Variants in KCNN2 observed in about 807,000 individuals in gnomAD.
The protein encoded by KCNN2 is small conductance calcium-activated potassium channel protein 2.
KCNN2 carries 24 observed loss-of-function variants against 55.5 expected under a neutral mutation model. The observed-to-expected ratio is 0.43, with a 90% CI of 0.31 to 0.61. The LOEUF is 0.61. Among genes scored for constraint, KCNN2 ranks in the 20% least tolerant of loss-of-function variants. KCNN2 has a pLI of 0.08. For synonymous variants in KCNN2, 431 were observed against 336.1 expected, an observed-to-expected ratio of 1.28 and a Z score of -3.09; for missense variants, 754 against 853.6, an observed-to-expected ratio of 0.88 and a Z score of 1.45.
At chr5:114,096,547 A>G (rs1034050367) in intron 1 of KCNN2, among the ~76,000 whole-genome samples, 6 of 152,098 alleles carry the variant, frequency 3.9e-5, no homozygotes, top group African/African-American at 1.4e-4. Flanking sequence ...TGTCTCTGTC[A>G]GGCGCTATGG....
intron 1 of KCNN2, among the ~76,000 whole-genome samples, chr5:114,164,139 T>A (rs1319595483): frequency 6.6e-6 from 1 of 152,198 alleles, no homozygotes; most frequent in Non-Finnish European, 1.5e-5. Flanking sequence ...AAAGTATTAC[T>A]CTCTGGTGAA....
At position 114,234,533 on chromosome 5, in the gene KCNN2, C is replaced by T. The variant is rs527941516; in HGVS notation, c.-185+12968C>T. On this transcript the variant is annotated intron_variant, in intron 2 of 10. Transcript: ENST00000512097. The stretch of plus-strand genomic sequence containing the variant: ...TGCAGTATATCAAGCAAAACATATT[C>T]CAAATGAATTGGGGTATTTCTTTGT... Among the ~76,000 whole-genome samples the T allele has an allele frequency of 2.0e-5, 3 of 152,300 alleles. No homozygotes were observed. The South Asian group carries it at 6.2e-4, about 32-fold the overall frequency.
chr5:114,425,486 C>T (rs143058153), intron 3 of KCNN2, among the ~76,000 whole-genome samples: 183 of 152,208 alleles, frequency 1.2e-3, no homozygotes, highest in African/African-American at 4.3e-3. Flanking sequence ...ATTGACAATC[C>T]CTCCTTTGCA....
intron 1 of KCNN2, among the ~76,000 whole-genome samples, chr5:114,063,722 A>G (rs902243750): frequency 1.1e-4 from 16 of 152,320 alleles, no homozygotes; most frequent in African/African-American, 3.4e-4. Context: ...AGTTTGACCC[A>G]GACCATCCTG....
intron 2 of KCNN2, among the ~76,000 whole-genome samples, chr5:114,377,733 A>G (rs552792721): frequency 2.6e-5 from 4 of 152,296 alleles, no homozygotes; most frequent in Admixed American, 6.5e-5. Flanking sequence ...TGTGACCGTA[A>G]GAAGACAGTA....
intron 3 of KCNN2, among the ~76,000 whole-genome samples, chr5:114,427,552 T>G (rs1364612816): frequency 6.6e-6 from 1 of 152,220 alleles, no homozygotes; most frequent in Non-Finnish European, 1.5e-5. Flanking sequence ...TCCCAGTGTT[T>G]ATAGAATTTG....
chr5:114,425,336 A>G lies in KCNN2; in HGVS notation c.1637+20480A>G, dbSNP rs1312849316. ...TGAAGGGTCCCACATTGCTAATTCC[A>G]TAGGACCTACACCAACAGTCAGAAA... On this transcript the variant is annotated intron_variant, in intron 3 of 7. Transcript: ENST00000673685. Among the ~76,000 whole-genome samples the G allele has an allele frequency of 2.6e-5, 4 of 152,088 alleles. No homozygotes were observed. The South Asian group carries it at 8.3e-4, about 32-fold the overall frequency.
intron 3 of KCNN2, among the ~76,000 whole-genome samples, chr5:114,462,509 G>A (rs573700700): frequency 6.6e-6 from 1 of 152,256 alleles, no homozygotes; most frequent in African/African-American, 2.4e-5. Context: ...GGATGTGCCC[G>A]ATACTCAGGG....
chr5:114,160,963 G>T (rs1340128129), intron 1 of KCNN2, among the ~76,000 whole-genome samples: 1 of 152,072 alleles, frequency 6.6e-6, no homozygotes, highest in Non-Finnish European at 1.5e-5. Flanking sequence ...TATCCAATTT[G>T]CCAGTCTGTG....
chr5:114,440,403 C>T (rs943038958), intron 3 of KCNN2, among the ~76,000 whole-genome samples: 2 of 152,116 alleles, frequency 1.3e-5, no homozygotes, highest in Non-Finnish European at 2.9e-5. Flanking sequence ...CAGGTCCTCA[C>T]TAAAATAACT....
At chr5:114,130,304 A>T (rs1213498155) in intron 1 of KCNN2, among the ~76,000 whole-genome samples, 1 of 152,204 alleles carries the variant, frequency 6.6e-6, no homozygotes, top group Non-Finnish European at 1.5e-5. Context: ...GTAGGATGGT[A>T]TATTTTCCTT....
chr5:114,380,920 A>T (rs1470625051), intron 2 of KCNN2, among the ~76,000 whole-genome samples: 1 of 152,144 alleles, frequency 6.6e-6, no homozygotes, highest in Non-Finnish European at 1.5e-5. Flanking sequence ...ATTCTGCTGG[A>T]CATTCTCAGG....
intron 3 of KCNN2, among the ~76,000 whole-genome samples, chr5:114,430,695 T>C (rs1759765513): frequency 6.6e-6 from 1 of 152,100 alleles, no homozygotes; most frequent in Non-Finnish European, 1.5e-5. Flanking sequence ...ACCTAGTTTC[T>C]TAAGTGTGAT....
At chr5:114,480,913 A>G (rs1389653782) in intron 5 of KCNN2, among the ~76,000 whole-genome samples, 1 of 152,106 alleles carries the variant, frequency 6.6e-6, no homozygotes, top group Admixed American at 6.6e-5. Context: ...CAGTATCATA[A>G]TGGGCAAAAG....
chr5:114,076,901 G>A (rs887633332), intron 1 of KCNN2, among the ~76,000 whole-genome samples: 9 of 152,086 alleles, frequency 5.9e-5, no homozygotes, highest in Non-Finnish European at 1.2e-4. Flanking sequence ...CACCGTGTTA[G>A]CCAGGATGGT....
intron 2 of KCNN2, among the ~76,000 whole-genome samples, chr5:114,379,427 T>C (rs1468944582): frequency 1.1e-4 from 15 of 139,040 alleles, no homozygotes; most frequent in Non-Finnish European, 2.2e-4. Context: ...TGATAAATAT[T>C]ATATAACATA....
At chr5:114,486,790 A>G (rs754698141) in intron 5 of KCNN2, 41 of 1,348,520 alleles carry the variant, frequency 3.0e-5, no homozygotes, top group Middle Eastern at 2.0e-4. Context: ...ATAAAAAAGA[A>G]GTTTCCTGAA....
chr5:114,189,092 A>G (rs1753396448), intron 1 of KCNN2, among the ~76,000 whole-genome samples: 1 of 151,972 alleles, frequency 6.6e-6, no homozygotes, highest in Non-Finnish European at 1.5e-5. Context: ...AACATATACT[A>G]ATAACGGCTG....
chr5:114,236,267 A>T (rs895885219), intron 2 of KCNN2, among the ~76,000 whole-genome samples: 1 of 152,176 alleles, frequency 6.6e-6, no homozygotes, highest in African/African-American at 2.4e-5. Context: ...CAATATCCAA[A>T]CCAAACGTAG....
Sources: allele counts gnomAD v4.1 joint callset (sites outside exome capture counted in the v4.1 genomes callset), GRCh38; gene constraint gnomAD v4.1.1; transcripts MANE v1.5; gene names NCBI Gene and HGNC (gene_info 2026-07-23, HGNC 2026-07-21).